CHMP4B: variants seen among roughly 807,000 people sequenced by gnomAD.
CHMP4B encodes the protein SNF7 homolog associated with Alix 1.
CHMP4B carries 1 observed loss-of-function variant against 25.1 expected under a neutral mutation model. The ratio of observed to expected loss-of-function variants is 0.04; its 90% CI spans 0.01 to 0.19. The LOEUF is 0.19. Ranked by LOEUF, CHMP4B falls within the 10% of genes least tolerant of loss-of-function variation. CHMP4B has a pLI of 1.00. For missense variants in CHMP4B, 151 were observed against 289.7 expected (o/e 0.52, Z 3.48); for synonymous variants, 101 against 115.6 (o/e 0.87, Z 0.81).
intron 1 of CHMP4B, among the ~76,000 whole-genome samples, chr20:33,834,722 C>T (rs1480362856): frequency 6.6e-6 from 1 of 152,162 alleles, no homozygotes; most frequent in African/African-American, 2.4e-5. Flanking sequence ...TGACCTACGG[C>T]TTATTTAGAA....
At chr20:33,834,760 G>C (rs772398948) in intron 1 of CHMP4B, among the ~76,000 whole-genome samples, 1 of 151,950 alleles carries the variant, frequency 6.6e-6, no homozygotes, top group Non-Finnish European at 1.5e-5. Context: ...TAAATGTGTG[G>C]GGATTTAACA....
Position 33,853,773 on chromosome 20 carries a change from G to GGGGGGGGGGGGGGGGGGAA in CHMP4B, c.*213_*214insGGGGGGGGGGGGGGGGGAA. ...GGGGGGAGGGGGGCGGGCGGGGTGG[G>GGGGGGGGGGGGGGGGGGAA]AAGTGCCTGCTGTTTATAATGTTGA... On this transcript the variant is annotated 3_prime_UTR_variant, in exon 5 of 5. Transcript: ENST00000217402. 4 of 25,270 alleles carry GGGGGGGGGGGGGGGGGGAA rather than the reference G, an allele frequency of 1.6e-4. 1 individual carries two copies. Among genetic ancestry groups the GGGGGGGGGGGGGGGGGGAA allele is most frequent in the Non-Finnish European group, 3.1e-4 (4 of 13,100 alleles). The allele number at this position is 25,270 out of a possible 1,614,324, so 1.6% of individuals were successfully genotyped here.
chr20:33,827,441 T>C (rs191645045), intron 1 of CHMP4B, among the ~76,000 whole-genome samples: 182 of 152,364 alleles, frequency 1.2e-3, no homozygotes, highest in African/African-American at 4.1e-3. Flanking sequence ...TATCTGTTAA[T>C]AGCTTAGGTA....
chr20:33,816,591 A>G (rs1489370364), intron 1 of CHMP4B, among the ~76,000 whole-genome samples: 1 of 152,186 alleles, frequency 6.6e-6, no homozygotes, highest in Non-Finnish European at 1.5e-5. Context: ...TCTGGAGAAC[A>G]TGTGGGAAAA....
At chr20:33,839,471 G>A (rs528868432) in intron 1 of CHMP4B, among the ~76,000 whole-genome samples, 59 of 152,346 alleles carry the variant, frequency 3.9e-4, no homozygotes, top group African/African-American at 1.4e-3. Flanking sequence ...CCTAAGTGTA[G>A]AGAGGATGGT....
intron 1 of CHMP4B, among the ~76,000 whole-genome samples, chr20:33,832,181 G>T (rs1463357506): frequency 2.6e-5 from 4 of 152,102 alleles, no homozygotes; most frequent in African/African-American, 7.2e-5. Flanking sequence ...CGGTTGCCAG[G>T]GTGCTCTCAT....
chr20:33,852,242 G>A (rs1225485005), intron 4 of CHMP4B, 39 bp downstream of exon 4: 18 of 1,613,626 alleles, frequency 1.1e-5, no homozygotes, highest in Middle Eastern at 1.6e-4. Flanking sequence ...GTGAGGTCAT[G>A]TGGCAGGTGA....
At position 33,827,031 on chromosome 20, in the gene CHMP4B, C is replaced by T. The variant is rs537188193; in HGVS notation, c.190+15373C>T. 3.3e-5 allele frequency among the ~76,000 whole-genome samples: 5 copies of T among 152,224 alleles called. No individual in the cohort carries two copies. In the East Asian group the frequency reaches 9.6e-4, roughly 29 times the overall value. The stretch of plus-strand genomic sequence containing the variant: ...TGAGGCCATACATTTCAAGTTCAGC[C>T]CAGACTTGATCTACTATCCCATTCC... On this transcript the variant is annotated intron_variant, in intron 1 of 4. Transcript: ENST00000217402.
intron 1 of CHMP4B, among the ~76,000 whole-genome samples, chr20:33,812,107 T>G (rs6142027): frequency 0.14 from 21,374 of 152,136 alleles, 2,148 homozygotes; most frequent in East Asian, 0.59. Context: ...GAGCTGCCCC[T>G]TGGCCTCTCC....
chr20:33,846,134 A>G (rs1212575897), intron 1 of CHMP4B, among the ~76,000 whole-genome samples: 1 of 151,990 alleles, frequency 6.6e-6, no homozygotes, highest in African/African-American at 2.4e-5. Context: ...TACCTTTTTC[A>G]TTAAGTGGGG....
At chr20:33,850,838 G>T in intron 2 of CHMP4B, 114 bp from the exon 3 acceptor site, 1 of 750,612 alleles carries the variant, frequency 1.3e-6, no homozygotes, top group South Asian at 1.4e-5. Flanking sequence ...CATTGCAGGG[G>T]GTGTGGCTGG....
At chr20:33,837,358 C>CA (rs1427688928) in intron 1 of CHMP4B, among the ~76,000 whole-genome samples, 10 of 150,634 alleles carry the variant, frequency 6.6e-5, no homozygotes, top group East Asian at 1.9e-4. Flanking sequence ...CTTACAAAAA[C>CA]AAAAAAACAG....
At chr20:33,825,413 G>A (rs578240589) in intron 1 of CHMP4B, among the ~76,000 whole-genome samples, 3 of 152,200 alleles carry the variant, frequency 2.0e-5, no homozygotes, top group Non-Finnish European at 4.4e-5. Context: ...ACAGAGCGCT[G>A]GAGTGACCAC....
At chr20:33,834,795 T>G (rs1171527028) in intron 1 of CHMP4B, among the ~76,000 whole-genome samples, 2 of 152,214 alleles carry the variant, frequency 1.3e-5, no homozygotes, top group African/African-American at 2.4e-5. Flanking sequence ...GATTCCTATT[T>G]ATTTTATTTT....
chr20:33,851,117 C>A, intron 3 of CHMP4B, 51 bp downstream of exon 3: 3 of 1,168,792 alleles, frequency 2.6e-6, no homozygotes, highest in Non-Finnish European at 3.9e-6. Flanking sequence ...TACCCTGAGG[C>A]TGTCCCTTGA....
chr20:33,846,994 A>G (rs1170337508), intron 1 of CHMP4B, among the ~76,000 whole-genome samples: 1 of 152,128 alleles, frequency 6.6e-6, no homozygotes, highest in Non-Finnish European at 1.5e-5. Context: ...CAAGAGAAAA[A>G]CCATATTTAG....
intron 1 of CHMP4B, among the ~76,000 whole-genome samples, chr20:33,822,715 G>A (rs1465026036): frequency 2.0e-5 from 3 of 152,228 alleles, no homozygotes; most frequent in Non-Finnish European, 4.4e-5. Context: ...CTCATGCTTA[G>A]ATTTTAGAGG....
At chr20:33,846,020 A>T (rs1235277663) in intron 1 of CHMP4B, among the ~76,000 whole-genome samples, 1 of 152,100 alleles carries the variant, frequency 6.6e-6, no homozygotes. Flanking sequence ...GCTACTGAGG[A>T]TTTTTCAGCA....
At chr20:33,812,536 C>T (rs1978661896) in intron 1 of CHMP4B, among the ~76,000 whole-genome samples, 1 of 152,194 alleles carries the variant, frequency 6.6e-6, no homozygotes, top group Admixed American at 6.5e-5. Flanking sequence ...TCTGGGCATT[C>T]CAAGTGCTTT....
Sources: allele counts gnomAD v4.1 joint callset (sites outside exome capture counted in the v4.1 genomes callset), GRCh38; gene constraint gnomAD v4.1.1; transcripts MANE v1.5; gene names NCBI Gene and HGNC (gene_info 2026-07-23, HGNC 2026-07-21).